Variants in PZP observed in about 807,000 individuals in gnomAD.
PZP encodes the protein pregnancy zone protein.
PZP carries 150 observed loss-of-function variants against 179.8 expected under a neutral mutation model. That is an observed-to-expected ratio of 0.83 (90% CI 0.73 to 0.96). The LOEUF (loss-of-function observed/expected upper bound fraction) is 0.96. Among genes scored for constraint, PZP ranks in the 40% least tolerant of loss-of-function variants. PZP has a pLI of 0.00. For missense variants in PZP, 1,689 were observed against 1,764.0 expected (o/e 0.96, Z 0.76); for synonymous variants, 624 against 652.3 (o/e 0.96, Z 0.66).
chr12:9,194,287 G>T, intron 10 of PZP, 49 bp from the exon 11 acceptor site: 2 of 1,565,496 alleles, frequency 1.3e-6, no homozygotes, highest in African/African-American at 1.4e-5. Context: ...ACCCAGAGAG[G>T]ACTGAACTCA....
At chr12:9,150,790 T>G (rs779891201) in intron 33 of PZP, 44 bp from the exon 34 acceptor site, 1 of 1,247,098 alleles carries the variant, frequency 8.0e-7, no homozygotes, top group South Asian at 1.2e-5. Context: ...GAAAACCTCC[T>G]TCTTTCTCCC....
rs1461701710 is a variant in PZP at position 9,200,910 on chromosome 12, A to G, written c.652T>C (p.Phe218Leu). 5.6e-6 allele frequency: 9 copies of G among 1,612,566 alleles called. No homozygotes were observed. Among genetic ancestry groups the G allele is most frequent in the Non-Finnish European group, 7.6e-6 (9 of 1,179,548 alleles). Residue 218 changes from phenylalanine (F) to leucine (L), a missense_variant, in exon 6 of 36, where the codon TTC becomes CTC. Coordinates refer to ENST00000261336, the MANE Select transcript of PZP (RefSeq NM_002864.3). ...TESGGRIQHP[F>L]TVEEFVLPKF... is the part of the protein sequence containing the mutation. ...TCCATACCAAATTCCTCCACGGTGA[A>G]GGGGTGCTGTATCCTTCCACCTGAT...
intron 13 of PZP, among the ~76,000 whole-genome samples, chr12:9,185,930 C>A (rs1943085255): frequency 6.6e-6 from 1 of 151,820 alleles, no homozygotes; most frequent in Non-Finnish European, 1.5e-5. Context: ...GCCTCAGCCT[C>A]CCGAGTAGCT....
rs368432890 is a variant in PZP at position 9,202,700 on chromosome 12, T to G, written c.268-16A>C. The G allele has an allele frequency of 1.9e-4, 300 of 1,610,880 alleles. 1 individual carries two copies. The highest frequency in any genetic ancestry group is 1.3e-3 in the South Asian group (114 of 90,696). On this transcript the variant is annotated splice_polypyrimidine_tract_variant and intron_variant, in intron 2 of 35. Coordinates refer to ENST00000261336, the MANE Select transcript of PZP (RefSeq NM_002864.3). Reference sequence around the variant, plus strand: ...TCCTTGGGAGCTAAAAAGCAAAGGATTTTTTACTACTGAGGAACTGTGCAG... The same window carrying G: ...TCCTTGGGAGCTAAAAAGCAAAGGAGTTTTTACTACTGAGGAACTGTGCAG...
chr12:9,165,653 G>A (rs1270511150), intron 18 of PZP, among the ~76,000 whole-genome samples: 1 of 152,112 alleles, frequency 6.6e-6, no homozygotes, highest in East Asian at 1.9e-4. Flanking sequence ...AACTTCCCTT[G>A]CTATTGTATA....
intron 11 of PZP, 83 bp from the exon 12 acceptor site, chr12:9,192,822 G>T: frequency 1.1e-6 from 1 of 928,248 alleles, no homozygotes; most frequent in South Asian, 1.6e-5. Flanking sequence ...AGTTACAACG[G>T]TGTCTTCCAC....
At chr12:9,196,878 A>G (rs1443564496) in intron 8 of PZP, 134 bp downstream of exon 8, 2 of 801,696 alleles carry the variant, frequency 2.5e-6, no homozygotes, top group Non-Finnish European at 4.0e-6. Flanking sequence ...CTTGTTGACT[A>G]AGAACAGAAA....
chr12:9,196,474 T>G, intron 9 of PZP, 35 bp from the exon 10 acceptor site: 1 of 1,576,698 alleles, frequency 6.3e-7, no homozygotes, highest in Non-Finnish European at 8.7e-7. Flanking sequence ...TTTTAGAAGT[T>G]ACTTTAGTCA....
intron 15 of PZP, among the ~76,000 whole-genome samples, chr12:9,172,779 A>G (rs909039354): frequency 2.8e-5 from 4 of 141,228 alleles, no homozygotes; most frequent in African/African-American, 1.3e-4. Context: ...AGAGCTAACT[A>G]TCCTAAATAT....
chr12:9,172,553 G>T (rs1942071441), intron 15 of PZP, among the ~76,000 whole-genome samples: 1 of 152,130 alleles, frequency 6.6e-6, no homozygotes. Flanking sequence ...TGAATAAAGA[G>T]CCAAGACCCA....
chr12:9,158,501 T>G lies in PZP; in HGVS notation c.3213A>C (p.Gln1071His). Residue 1071 changes from glutamine to histidine, a missense_variant, in exon 26 of 36, where the codon CAA becomes CAC. Around this residue, in one of 3 missense-constraint regions of PZP, gnomAD observed 746 missense variants for 749.2 expected, o/e 1.00. Transcript: ENST00000261336. ...GCATCTGGGAGAGCCACGTGAGAGA[T>G]TGGGTAATGTGTGCTTCATCAATGA... ...YIFIDEAHIT[Q>H]SLTWLSQMQK... The G allele has an allele frequency of 6.2e-7, 1 of 1,614,134 alleles. No homozygotes were observed. The highest frequency in any genetic ancestry group is 2.2e-5 in the East Asian group (1 of 44,886).
At chr12:9,185,737 G>A (rs1943058527) in intron 13 of PZP, among the ~76,000 whole-genome samples, 1 of 151,010 alleles carries the variant, frequency 6.6e-6, no homozygotes, top group Non-Finnish European at 1.5e-5. Context: ...CTAATGGTGG[G>A]CCTCTTAGCA....
the PZP span, among the ~76,000 whole-genome samples, chr12:9,141,153 A>T: frequency 2.6e-5 from 4 of 152,324 alleles, no homozygotes; most frequent in African/African-American, 9.6e-5. Context: ...TAACATAACA[A>T]TTATAATTAT....
intron 35 of PZP, 115 bp from the exon 36 acceptor site, chr12:9,149,109 T>C (rs959255779): frequency 1.1e-6 from 1 of 901,452 alleles, no homozygotes; most frequent in Admixed American, 1.9e-5. Flanking sequence ...AAAGGCCAGA[T>C]GGTAATTATT....
In PZP at chr12:9,194,058, T is replaced by C. The variant is rs1305367793; in HGVS notation, c.1254+19A>G. ...CTAACATTTCCTTTGTCCTCAGAGA[T>C]TTGTCTTTCTATACTTACCCGGACA... On this transcript the variant is annotated intron_variant, in intron 11 of 35. Coordinates refer to ENST00000261336, the MANE Select transcript of PZP (RefSeq NM_002864.3). The C allele has an allele frequency of 1.0e-5, 16 of 1,600,628 alleles. No individual in the cohort carries two copies. The highest frequency in any genetic ancestry group is 1.7e-4 in the Middle Eastern group (1 of 6,040).
chr12:9,163,902 AG>A (rs2120716555), intron 20 of PZP, 113 bp from the exon 21 acceptor site: 1 of 1,364,420 alleles, frequency 7.3e-7, no homozygotes, highest in African/African-American at 1.5e-5. Flanking sequence ...CTAAAAAAAA[AG>A]AAACCCACAA....
intron 20 of PZP, 36 bp from the exon 21 acceptor site, chr12:9,163,825 T>C (rs1454325535): frequency 6.3e-7 from 1 of 1,599,540 alleles, no homozygotes; most frequent in East Asian, 2.2e-5. Context: ...GAGTATCCAC[T>C]TTGATAGTCC....
At chr12:9,141,188 A>G in the PZP span, among the ~76,000 whole-genome samples, 9 of 152,216 alleles carry the variant, frequency 5.9e-5, no homozygotes, top group Non-Finnish European at 1.2e-4. Flanking sequence ...ACTAAGATAT[A>G]TCAGAAATAT....
At chr12:9,165,093 A>G in intron 19 of PZP, 46 bp downstream of exon 19, 1 of 1,575,974 alleles carries the variant, frequency 6.3e-7, no homozygotes, top group Non-Finnish European at 8.7e-7. Context: ...GATCAAAGGA[A>G]TCTTTTGTTC....
Sources: allele counts gnomAD v4.1 joint callset (sites outside exome capture counted in the v4.1 genomes callset), GRCh38; gene constraint gnomAD v4.1.1; regional missense constraint gnomAD v4.1.1; transcripts MANE v1.5; gene names NCBI Gene and HGNC (gene_info 2026-07-23, HGNC 2026-07-21).